The following PFKP variants were observed in gnomAD, a reference collection of about 807,000 sequenced individuals.
The protein encoded by PFKP is phosphofructokinase, platelet.
In PFKP, 101 loss-of-function variants were observed where a neutral mutation model predicts 94.3. That is an observed-to-expected ratio of 1.07 (90% CI 0.91 to 1.26). The LOEUF is 1.26. PFKP is among the 50% of genes most tolerant of loss of function. The pLI, the probability that PFKP is intolerant of heterozygous loss-of-function variation, is 0.00. For missense variants in PFKP, 1,145 were observed against 1,103.3 expected (o/e 1.04, Z -0.53); for synonymous variants, 573 against 432.6 (o/e 1.32, Z -4.03).
chr10:3,097,940 T>C (rs1001988827), intron 2 of PFKP, among the ~76,000 whole-genome samples: 2 of 152,016 alleles, frequency 1.3e-5, no homozygotes, highest in Non-Finnish European at 2.9e-5. Flanking sequence ...ACCTGGGAGA[T>C]GTAAGTTGCA....
chr10:3,135,590 CGCGGCTGTTCTCAGTCTCACTGG>C (rs2131749329), intron 20 of PFKP, 123 bp from the exon 21 acceptor site: 2 of 581,546 alleles, frequency 3.4e-6, no homozygotes, highest in East Asian at 3.0e-5. Flanking sequence ...GGCCCCACTG[CGCGGCTGTTCTCAGTCTCACTGG>C]GCTTCCAGGC....
chr10:3,076,689 C>G (rs1397716428), intron 1 of PFKP, among the ~76,000 whole-genome samples: 1 of 152,204 alleles, frequency 6.6e-6, no homozygotes, highest in Admixed American at 6.5e-5. Context: ...GGCTTCCCAT[C>G]TTGTCACTGA....
chr10:3,118,132 A>G (rs1837014412), intron 14 of PFKP, among the ~76,000 whole-genome samples: 1 of 152,140 alleles, frequency 6.6e-6, no homozygotes, highest in Non-Finnish European at 1.5e-5. Context: ...TGAGATCAAT[A>G]GTGGATAATG....
chr10:3,102,222 GC>G (rs1835081176), intron 4 of PFKP, among the ~76,000 whole-genome samples: 1 of 113,404 alleles, frequency 8.8e-6, no homozygotes, highest in Admixed American at 1.2e-4. Flanking sequence ...CTGCACTCCA[GC>G]CTGGGCGACA....
chr10:3,099,549 G>A (rs1415150742), intron 3 of PFKP, among the ~76,000 whole-genome samples, 197 bp downstream of exon 3: 1 of 152,216 alleles, frequency 6.6e-6, no homozygotes, highest in African/African-American at 2.4e-5. Flanking sequence ...TTGAGTACTT[G>A]TTAATAGAAA....
chr10:3,134,993 C>T (rs1412115156), intron 20 of PFKP, among the ~76,000 whole-genome samples: 1 of 152,200 alleles, frequency 6.6e-6, no homozygotes, highest in Non-Finnish European at 1.5e-5. Context: ...ATGAATTGTT[C>T]ATGTTTGTAG....
chr10:3,101,531 T>C lies in PFKP; in HGVS notation c.431T>C (p.Leu144Pro). 1 of 1,560,598 alleles carries C rather than the reference T, an allele frequency of 6.4e-7. No individual in the cohort carries two copies. The highest frequency in any genetic ancestry group is 8.7e-7 in the Non-Finnish European group (1 of 1,152,458). Residue 144 changes from leucine to proline, a missense_variant, in exon 4 of 22, where the codon CTG (leucine) becomes CCG (proline). Physicochemically the swap from Leu to Pro is moderately conservative, Grantham distance 98 (BLOSUM62 -3). Coordinates refer to ENST00000381125, the MANE Select transcript of PFKP (RefSeq NM_002627.5). ...CTCTTCCGGAAGGAGTGGAGTGGGC[T>C]GCTGGAGGAGCTGGCCAGGAACGGT... ...ANLFRKEWSG[L>P]LEELARNGQI...
rs755284709 is a variant in PFKP at position 3,109,384 on chromosome 10, C to T, written c.993C>T (p.Ile331=). ...GCCGCATGGGAGTGGAGGCAGTCAT[C>T]GCCTTGCTAGAGGCCACCCCGGACA... ...LASRMGVEAV[I]ALLEATPDTP... is the part of the protein sequence containing the mutation. Residue 331 remains isoleucine, a synonymous_variant, in exon 10 of 22, where the codon ATC becomes ATT. Transcript: ENST00000381125. 31 of 1,610,448 alleles carry T rather than the reference C, an allele frequency of 1.9e-5. No individual in the cohort carries two copies. Among genetic ancestry groups the T allele is most frequent in the Admixed American group, 1.0e-4 (6 of 59,984 alleles).
Position 3,136,505 on chromosome 10 carries a change from C to T in PFKP, c.2281C>T (p.Leu761=), listed in dbSNP as rs772254147. Residue 761 remains leucine, a synonymous_variant, in exon 22 of 22, where the codon CTG becomes TTG. Transcript: ENST00000381125. ...WLKLRPLMKI[L]AKYKASYDVS... ...CAAGCTACGGCCCCTCATGAAAATC[C>T]TGGCCAAGTACAAGGCCAGCTATGA... 5.6e-6 allele frequency: 9 copies of T among 1,613,568 alleles called. No individual in the cohort carries two copies. The Admixed American group carries it at 1.3e-4, about 24-fold the overall frequency.
At position 3,109,378 on chromosome 10, in the gene PFKP, A is replaced by C; in HGVS notation, c.987A>C (p.Ala329=). The change falls in exon 10 of 22, where the codon GCA becomes GCC. Residue 329 remains alanine, a synonymous_variant. Transcript: ENST00000381125. ...AGGCCAGCCGCATGGGAGTGGAGGC[A>C]GTCATCGCCTTGCTAGAGGCCACCC... ...RILASRMGVE[A]VIALLEATPD... The C allele has an allele frequency of 6.2e-7, 1 of 1,610,604 alleles. No homozygotes were observed. Among genetic ancestry groups the C allele is most frequent in the Non-Finnish European group, 8.5e-7 (1 of 1,180,008 alleles).
intron 13 of PFKP, among the ~76,000 whole-genome samples, chr10:3,115,330 G>GTGGAGGA: frequency 7.6e-6 from 1 of 131,430 alleles, no homozygotes; most frequent in African/African-American, 2.9e-5. Context: ...GTGTCCCACG[G>GTGGAGGA]CGGAGGACAG....
chr10:3,091,315 T>C (rs1194499487), intron 2 of PFKP, among the ~76,000 whole-genome samples: 1 of 152,160 alleles, frequency 6.6e-6, no homozygotes, highest in Admixed American at 6.5e-5. Flanking sequence ...CCAAAGGCCA[T>C]GCCCAGGGTA....
chr10:3,122,019 C>T (rs1443405218), intron 16 of PFKP, among the ~76,000 whole-genome samples: 2 of 151,580 alleles, frequency 1.3e-5, no homozygotes, highest in African/African-American at 4.9e-5. Context: ...ACGGGGTCTC[C>T]CTGTGTTGCC....
intron 20 of PFKP, 32 bp downstream of exon 20, chr10:3,134,614 C>G (rs368596443): frequency 7.2e-7 from 1 of 1,386,094 alleles, no homozygotes; most frequent in Non-Finnish European, 1.0e-6. Flanking sequence ...GCCACAGCCT[C>G]GTGATGCAGG....
chr10:3,118,264 G>C (rs958491007), intron 14 of PFKP, among the ~76,000 whole-genome samples: 1 of 152,098 alleles, frequency 6.6e-6, no homozygotes. Flanking sequence ...GTCAAGAGAT[G>C]GAGACCATCC....
In PFKP at chr10:3,113,384, G is replaced by A. The variant is rs537996415; in HGVS notation, c.1237G>A (p.Val413Ile). The part of the protein sequence containing the change: ...DDQIPKTNCN[V>I]AVINVGAPAA... ...TTCTGTTTTGCAGACCAATTGCAAC[G>A]TAGCTGTCATCAACGTGGGGGCACC... Residue 413 changes from valine (V) to isoleucine (I), a missense_variant, in exon 13 of 22, where the codon GTA becomes ATA. Transcript: ENST00000381125. 3.6e-5 allele frequency: 58 copies of A among 1,590,336 alleles called. No homozygotes were observed. Among genetic ancestry groups the A allele is most frequent in the Admixed American group, 2.6e-4 (15 of 58,536 alleles).
intron 15 of PFKP, 43 bp from the exon 16 acceptor site, chr10:3,119,849 C>T (rs114763375): frequency 1.2e-6 from 2 of 1,605,780 alleles, no homozygotes; most frequent in South Asian, 1.1e-5. Flanking sequence ...CCTCTCCTCC[C>T]CAGCTTCCCT....
At chr10:3,118,360 C>T (rs9423460) in intron 14 of PFKP, among the ~76,000 whole-genome samples, 24,216 of 151,698 alleles carry the variant, frequency 0.16, 2,197 homozygotes, top group East Asian at 0.37. Context: ...CCCAGCTACT[C>T]GGGAGGCTGA....
At chr10:3,124,923 C>T (rs1320250832) in intron 16 of PFKP, among the ~76,000 whole-genome samples, 10 of 152,184 alleles carry the variant, frequency 6.6e-5, no homozygotes, top group Admixed American at 6.5e-4. Context: ...GTTGCTGGGG[C>T]CTGTGCTGCT....
Sources: gnomAD v4.1 joint callset for allele counts (sites outside exome capture counted in the v4.1 genomes callset) on GRCh38, gnomAD v4.1.1 for gene constraint, MANE v1.5 for transcripts, NCBI Gene and HGNC (gene_info 2026-07-23, HGNC 2026-07-21) for gene names.